IGSF3: variants seen among roughly 807,000 people sequenced by gnomAD.
IGSF3 encodes the protein glu-Trp-Ile EWI motif-containing protein 3.
IGSF3 carries 23 observed loss-of-function variants against 114.4 expected under a neutral mutation model. The observed-to-expected ratio is 0.20, with a 90% CI of 0.14 to 0.28. The LOEUF (loss-of-function observed/expected upper bound fraction) is 0.28, where lower values mean the gene tolerates loss of function less well. IGSF3 is among the 10% of genes least tolerant of loss of function. The pLI is 1.00. For synonymous variants in IGSF3, 571 were observed against 645.2 expected, an observed-to-expected ratio of 0.88 and a Z score of 1.74; for missense variants, 1,172 against 1,591.5, an observed-to-expected ratio of 0.74 and a Z score of 4.48.
Position 116,582,303 on chromosome 1 carries a change from G to A in IGSF3, c.2848+2342C>T, listed in dbSNP as rs898597161. 2.0e-5 allele frequency among the ~76,000 whole-genome samples: 3 copies of A among 152,106 alleles called. No individual in the cohort carries two copies. Among genetic ancestry groups the A allele is most frequent in the South Asian group, 2.1e-4 (1 of 4,830 alleles). Reference sequence around the variant, plus strand: ...CAAGTATAAGCCATGGAAAGATGCCGACCTCTGCCCCTGCTGTCTGCGTGA... The same window carrying A: ...CAAGTATAAGCCATGGAAAGATGCCAACCTCTGCCCCTGCTGTCTGCGTGA... On this transcript the variant is annotated intron_variant, in intron 9 of 10. Transcript: ENST00000369486. This position sits in a 1 kb window ranked among gnomAD's most constrained non-coding sequence, Gnocchi z 4.7.
rs768506650 is a variant in IGSF3, at chr1:116,608,278, C to T, written c.886G>A (p.Glu296Lys). 2.3e-5 allele frequency: 37 copies of T among 1,611,708 alleles called. No homozygotes were observed. Among genetic ancestry groups the T allele is most frequent in the Middle Eastern group, 1.6e-4 (1 of 6,068 alleles). The stretch of plus-strand genomic sequence containing the variant: ...AGGATGCATCTGAACTCCACCGGCT[C>T]GCCCACCGTGTGCAGCCGCTTCTCT... The part of the protein sequence containing the change: ...ETEKRLHTVG[E>K]PVEFRCILEA... The change falls in exon 5 of 11, where the codon GAG becomes AAG. Residue 296 changes from glutamate (E) to lysine (K), a missense_variant. By Grantham distance (56) the Glu-to-Lys change is moderately conservative. Coordinates refer to ENST00000369486, the MANE Select transcript of IGSF3 (RefSeq NM_001007237.3).
chr1:116,616,403 G>T lies in IGSF3; in HGVS notation c.98C>A (p.Thr33Lys). ...CCAGATAGTGATGTGGGAGCCCTCC[G>T]TGCGGTACAAGGGTCCTTCCTGAAC... ...VTVQEGPLYR[T>K]EGSHITIWCN... The change falls in exon 3 of 11, where the codon ACG becomes AAG. Residue 33 changes from threonine to lysine, a missense_variant. Physicochemically the swap from Thr to Lys is moderately conservative, Grantham distance 78 (BLOSUM62 -1). Around this residue, in one of 3 missense-constraint regions of IGSF3, gnomAD observed 736 missense variants for 1,042.0 expected, o/e 0.71. Transcript: ENST00000369486. The surrounding 1 kb of genome is among the most constrained non-coding windows in gnomAD (Gnocchi z 6.6). The T allele has an allele frequency of 6.2e-7, 1 of 1,609,756 alleles. No homozygotes were observed. The highest frequency in any genetic ancestry group is 1.7e-5 in the Admixed American group (1 of 60,008).
At chr1:116,635,841 T>C (rs1306486763) in intron 2 of IGSF3, among the ~76,000 whole-genome samples, 5 of 152,202 alleles carry the variant, frequency 3.3e-5, no homozygotes, top group African/African-American at 1.2e-4. Context: ...CCACTCATAC[T>C]TTAAGGCCCA....
rs1001385018 is a variant in IGSF3, at chr1:116,592,948, A to G, written c.2030-3844T>C. On this transcript the variant is annotated intron_variant, in intron 7 of 10. Transcript: ENST00000369486. This position sits in a 1 kb window ranked among gnomAD's most constrained non-coding sequence, Gnocchi z 4.5. Reference sequence around the variant, plus strand: ...CCCCTGAGCTAGGCCCTGAGAAACAAGCAGAGAAGGAGAATCAAAGGGCAC... The same window carrying G: ...CCCCTGAGCTAGGCCCTGAGAAACAGGCAGAGAAGGAGAATCAAAGGGCAC... 2.0e-5 allele frequency among the ~76,000 whole-genome samples: 3 copies of G among 152,208 alleles called. No homozygotes were observed. The highest frequency in any genetic ancestry group is 7.2e-5 in the African/African-American group (3 of 41,444).
Position 116,577,766 on chromosome 1 carries a change from T to C in IGSF3, c.3335-204A>G, listed in dbSNP as rs1321029154. Among the ~76,000 whole-genome samples, 3 of 152,218 alleles carry C rather than the reference T, an allele frequency of 2.0e-5. No homozygotes were observed. Among genetic ancestry groups the C allele is most frequent in the Admixed American group, 6.5e-5 (1 of 15,282 alleles). On this transcript the variant is annotated intron_variant, in intron 10 of 10. Transcript: ENST00000369486. This position sits in a 1 kb window ranked among gnomAD's most constrained non-coding sequence, Gnocchi z 5.7. ...ACACCTCTCCTAATTTACGGCTGTATGTTCCAACAAAGCAATGCTTCTGTT... is the reference window on the plus strand; with the variant it reads ...ACACCTCTCCTAATTTACGGCTGTACGTTCCAACAAAGCAATGCTTCTGTT...
At chr1:116,617,294 T>C (rs1480930584) in intron 2 of IGSF3, 62 of 983,234 alleles carry the variant, frequency 6.3e-5, no homozygotes, top group Non-Finnish European at 7.4e-5. Context: ...CATGTTCTTC[T>C]TAAAGTGGCA....
At chr1:116,637,119 G>A (rs1041983563) in intron 2 of IGSF3, among the ~76,000 whole-genome samples, 3 of 152,200 alleles carry the variant, frequency 2.0e-5, no homozygotes, top group African/African-American at 7.2e-5. Context: ...AGCGCATGCA[G>A]AGAGTGATGG....
At position 116,633,767 on chromosome 1, in the gene IGSF3, A is replaced by G. The variant is rs1351049354; in HGVS notation, c.44-17310T>C. Among the ~76,000 whole-genome samples, 3 of 152,258 alleles carry G rather than the reference A, an allele frequency of 2.0e-5. No homozygotes were observed. Among genetic ancestry groups the G allele is most frequent in the Non-Finnish European group, 4.4e-5 (3 of 68,042 alleles). On this transcript the variant is annotated intron_variant, in intron 2 of 10. Coordinates refer to ENST00000369486, the MANE Select transcript of IGSF3 (RefSeq NM_001007237.3). This position sits in a 1 kb window ranked among gnomAD's most constrained non-coding sequence, Gnocchi z 4.3. ...TCTTAGGGGTGAAAGAACACTGAGA[A>G]ACCATAGAAAGCAAAAATGAAAAGC...
Position 116,582,768 on chromosome 1 carries a change from G to A in IGSF3, c.2848+1877C>T, listed in dbSNP as rs1659656567. Among the ~76,000 whole-genome samples, 2 of 152,228 alleles carry A rather than the reference G, an allele frequency of 1.3e-5. No individual in the cohort carries two copies. The highest frequency in any genetic ancestry group is 2.9e-5 in the Non-Finnish European group (2 of 68,036). ...GTTTGTTTACAGACAGAGGAAATAT[G>A]AAGACATGAGGCAAAGACCAAAAAA... On this transcript the variant is annotated intron_variant, in intron 9 of 10. Coordinates refer to ENST00000369486, the MANE Select transcript of IGSF3 (RefSeq NM_001007237.3). The surrounding 1 kb of genome is among the most constrained non-coding windows in gnomAD (Gnocchi z 4.7).
intron 2 of IGSF3, among the ~76,000 whole-genome samples, chr1:116,640,024 C>G (rs1359904311): frequency 8.0e-6 from 1 of 125,768 alleles, no homozygotes; most frequent in African/African-American, 3.3e-5. Context: ...TGAGCAACAG[C>G]GTGACTCTAT....
intron 7 of IGSF3, among the ~76,000 whole-genome samples, chr1:116,599,699 C>T (rs1037538486): frequency 1.3e-5 from 2 of 152,132 alleles, no homozygotes; most frequent in Non-Finnish European, 2.9e-5. Context: ...GGCTCAAAAA[C>T]AACAACAAAC....
At chr1:116,656,292 T>C (rs1157284837) in intron 2 of IGSF3, among the ~76,000 whole-genome samples, 1 of 134,174 alleles carries the variant, frequency 7.5e-6, no homozygotes, top group East Asian at 2.1e-4. Context: ...CTTTCTACAT[T>C]CTTTTTTTTT....
At position 116,637,560 on chromosome 1, in the gene IGSF3, T is replaced by A. The variant is rs181554163; in HGVS notation, c.44-21103A>T. Reference sequence around the variant, plus strand: ...GGCCTGACCAGCTTGTGGACAAGGATGAAGCAAGCAGACGACCTTCTTTCA... The same window carrying A: ...GGCCTGACCAGCTTGTGGACAAGGAAGAAGCAAGCAGACGACCTTCTTTCA... On this transcript the variant is annotated intron_variant, in intron 2 of 10. Coordinates refer to ENST00000369486, the MANE Select transcript of IGSF3 (RefSeq NM_001007237.3). 5.3e-5 allele frequency among the ~76,000 whole-genome samples: 8 copies of A among 152,288 alleles called. No individual in the cohort carries two copies. In the East Asian group the frequency reaches 1.5e-3, roughly 29 times the overall value.
chr1:116,663,541 C>A (rs1244600812), intron 2 of IGSF3, among the ~76,000 whole-genome samples: 4 of 151,864 alleles, frequency 2.6e-5, no homozygotes, highest in Non-Finnish European at 5.9e-5. Flanking sequence ...GGTGAGGCAC[C>A]TAGGGTTAGG....
intron 2 of IGSF3, among the ~76,000 whole-genome samples, chr1:116,637,768 C>G (rs1184870101): frequency 2.0e-5 from 3 of 152,210 alleles, no homozygotes; most frequent in African/African-American, 7.2e-5. Context: ...TGTTTTTTAT[C>G]TTACTTGCCA....
rs1183918356 is a variant in IGSF3, at chr1:116,615,833, C to T, written c.421+247G>A. On this transcript the variant is annotated intron_variant, in intron 3 of 10. Transcript: ENST00000369486. The surrounding 1 kb of genome is among the most constrained non-coding windows in gnomAD (Gnocchi z 4.3). ...TTTTCATATCCCTTTTCACCAGTTACAGGGTTAGTTAACTTATGAAATTCT... is the reference window on the plus strand; with the variant it reads ...TTTTCATATCCCTTTTCACCAGTTATAGGGTTAGTTAACTTATGAAATTCT... Among the ~76,000 whole-genome samples the T allele has an allele frequency of 6.6e-6, 1 of 152,236 alleles. No homozygotes were observed. Among genetic ancestry groups the T allele is most frequent in the East Asian group, 1.9e-4 (1 of 5,200 alleles).
chr1:116,579,589 C>T lies in IGSF3; in HGVS notation c.3137G>A (p.Gly1046Asp). 2 of 1,614,168 alleles carry T rather than the reference C, an allele frequency of 1.2e-6. No homozygotes were observed. The highest frequency in any genetic ancestry group is 1.7e-6 in the Non-Finnish European group (2 of 1,180,044). ...GCGAAGCCTGCCCTCCCAAGGACTGCCCTCTGGGCCAAAGACAGCATCTGG... is the reference window on the plus strand; with the variant it reads ...GCGAAGCCTGCCCTCCCAAGGACTGTCCTCTGGGCCAAAGACAGCATCTGG... ...VGPDAVFGPE[G>D]SPWEGRLRFQ... is the part of the protein sequence containing the mutation. Residue 1046 changes from glycine (G) to aspartate (D), a missense_variant, in exon 10 of 11, where the codon GGC becomes GAC. Coordinates refer to ENST00000369486, the MANE Select transcript of IGSF3 (RefSeq NM_001007237.3). This position sits in a 1 kb window ranked among gnomAD's most constrained non-coding sequence, Gnocchi z 6.4.
In IGSF3 at chr1:116,627,598, G is replaced by A. The variant is rs536339034; in HGVS notation, c.44-11141C>T. Among the ~76,000 whole-genome samples, 15 of 152,220 alleles carry A rather than the reference G, an allele frequency of 9.9e-5. No homozygotes were observed. Among genetic ancestry groups the A allele is most frequent in the African/African-American group, 3.1e-4 (13 of 41,456 alleles). ...CCCAGGGCCCTGCTGACAACAGGCC[G>A]GGAGCGCATCTGCAGGCAGCGTCAG... On this transcript the variant is annotated intron_variant, in intron 2 of 10. Coordinates refer to ENST00000369486, the MANE Select transcript of IGSF3 (RefSeq NM_001007237.3). The surrounding 1 kb of genome is among the most constrained non-coding windows in gnomAD (Gnocchi z 4.7).
At chr1:116,621,987 T>C (rs1661435744) in intron 2 of IGSF3, among the ~76,000 whole-genome samples, 1 of 152,194 alleles carries the variant, frequency 6.6e-6, no homozygotes, top group Non-Finnish European at 1.5e-5. Context: ...GGGGTCACTG[T>C]GTCTGGGAAA....
Sources: allele counts gnomAD v4.1 joint callset (sites outside exome capture counted in the v4.1 genomes callset), GRCh38; gene constraint gnomAD v4.1.1; regional missense constraint gnomAD v4.1.1; non-coding constraint Gnocchi (gnomAD v3.1); transcripts MANE v1.5; gene names NCBI Gene and HGNC (gene_info 2026-07-23, HGNC 2026-07-21).